SLC12A8: variants seen among roughly 807,000 people sequenced by gnomAD.
SLC12A8 encodes cation-chloride cotransporter 9.
A neutral mutation model predicts 75.6 loss-of-function variants in SLC12A8; 69 were observed. That is an observed-to-expected ratio of 0.91 (90% CI 0.75 to 1.11). The LOEUF (loss-of-function observed/expected upper bound fraction) is 1.11, where lower values mean the gene tolerates loss of function less well. Among genes scored for constraint, SLC12A8 ranks in the 50% most tolerant of loss-of-function variants. The pLI is 0.00. For synonymous variants in SLC12A8, 365 were observed against 372.8 expected (o/e 0.98, Z 0.24); for missense variants, 877 against 896.7 (o/e 0.98, Z 0.28).
At chr3:125,140,925 A>T (rs929431456) in intron 5 of SLC12A8, among the ~76,000 whole-genome samples, 1 of 152,018 alleles carries the variant, frequency 6.6e-6, no homozygotes, top group Admixed American at 6.6e-5. Context: ...ACCTCAGAAG[A>T]GTCTCTTTGC....
chr3:125,124,362 T>C (rs1355290887), intron 6 of SLC12A8, among the ~76,000 whole-genome samples: 1 of 152,156 alleles, frequency 6.6e-6, no homozygotes, highest in East Asian at 1.9e-4. Flanking sequence ...AGTTTCCCTC[T>C]GTCGCCCAAG....
At chr3:125,197,708 T>A (rs1342142270) in intron 2 of SLC12A8, among the ~76,000 whole-genome samples, 1 of 152,208 alleles carries the variant, frequency 6.6e-6, no homozygotes. Flanking sequence ...TTTATACTGA[T>A]GTGGCTCTGT....
intron 6 of SLC12A8, among the ~76,000 whole-genome samples, chr3:125,122,277 T>G (rs1015767457): frequency 2.0e-5 from 3 of 152,226 alleles, no homozygotes; most frequent in African/African-American, 7.2e-5. Flanking sequence ...CATTTTTATT[T>G]GACTGTTTAT....
At chr3:125,149,857 T>A (rs1450331049) in intron 5 of SLC12A8, among the ~76,000 whole-genome samples, 1 of 151,964 alleles carries the variant, frequency 6.6e-6, no homozygotes, top group Admixed American at 6.5e-5. Context: ...AGCAGGTGGA[T>A]TTTGGGGAAT....
intron 5 of SLC12A8, among the ~76,000 whole-genome samples, chr3:125,157,054 G>A (rs1342770300): frequency 6.6e-6 from 1 of 151,976 alleles, no homozygotes; most frequent in Admixed American, 6.6e-5. Flanking sequence ...TTCCATCTGG[G>A]ACTTCTGAAT....
chr3:125,130,078 G>T (rs928289778), intron 6 of SLC12A8, among the ~76,000 whole-genome samples: 4 of 152,324 alleles, frequency 2.6e-5, no homozygotes, highest in African/African-American at 9.6e-5. Flanking sequence ...CCCCTAAGAG[G>T]GGTGGGGCAG....
intron 10 of SLC12A8, among the ~76,000 whole-genome samples, chr3:125,101,043 A>G (rs1938862011): frequency 7.2e-6 from 1 of 139,618 alleles, no homozygotes; most frequent in South Asian, 2.4e-4. Context: ...AAAAAAAAAG[A>G]TGATTTAATT....
intron 5 of SLC12A8, among the ~76,000 whole-genome samples, chr3:125,158,705 G>T (rs1383520318): frequency 6.6e-6 from 1 of 152,102 alleles, no homozygotes; most frequent in African/African-American, 2.4e-5. Context: ...AGGGAGGAAG[G>T]CTCTTACAGT....
At chr3:125,104,908 T>C (rs1301837224) in intron 10 of SLC12A8, among the ~76,000 whole-genome samples, 1 of 152,136 alleles carries the variant, frequency 6.6e-6, no homozygotes, top group Non-Finnish European at 1.5e-5. Context: ...AACAATATAC[T>C]AAGTGATAAA....
rs145993761 is a variant in SLC12A8, at chr3:125,194,940, C to T, written c.52-4419G>A. 2.2e-3 allele frequency among the ~76,000 whole-genome samples: 329 copies of T among 152,378 alleles called. 1 individual carries two copies. Among genetic ancestry groups the T allele is most frequent in the African/African-American group, 7.3e-3 (304 of 41,584 alleles). On this transcript the variant is annotated intron_variant, in intron 2 of 13. Transcript: ENST00000469902. ...TCATTCCTTTCCCCTGCCTCTGAACCGGCCCCATGTGCTGGACCACAGGGG... is the reference window on the plus strand; with the variant it reads ...TCATTCCTTTCCCCTGCCTCTGAACTGGCCCCATGTGCTGGACCACAGGGG...
chr3:125,187,311 C>A lies in SLC12A8; in HGVS notation c.316G>T (p.Val106Phe). Residue 106 changes from valine to phenylalanine, a missense_variant, in exon 4 of 14, where the codon GTC (valine) becomes TTC (phenylalanine). By Grantham distance (50) the Val-to-Phe change is conservative. Transcript: ENST00000469902. Reference sequence around the variant, plus strand: ...AGGACCGAGGAGATCATGGAGTAGACGCCACCGCTGCCGATGCTGCTGCGC... The same window carrying A: ...AGGACCGAGGAGATCATGGAGTAGAAGCCACCGCTGCCGATGCTGCTGCGC... Reference protein sequence around the residue: ...GERSSIGSGGVYSMISSVLGG... With the variant: ...GERSSIGSGGFYSMISSVLGG... The A allele has an allele frequency of 1.9e-6, 3 of 1,614,196 alleles. No homozygotes were observed. The East Asian group carries it at 6.7e-5, about 36-fold the overall frequency.
intron 6 of SLC12A8, among the ~76,000 whole-genome samples, chr3:125,133,217 C>CT (rs1188740347): frequency 3.9e-5 from 6 of 152,050 alleles, no homozygotes; most frequent in African/African-American, 1.2e-4. Context: ...AAGTTATTGT[C>CT]TTTTTCATTT....
intron 8 of SLC12A8, among the ~76,000 whole-genome samples, chr3:125,112,355 A>G (rs1318198001): frequency 1.3e-5 from 2 of 152,172 alleles, no homozygotes; most frequent in Non-Finnish European, 2.9e-5. Flanking sequence ...ACTACAGGAA[A>G]TCAATGTCAT....
chr3:125,208,691 A>G (rs1935272313), intron 2 of SLC12A8, among the ~76,000 whole-genome samples: 1 of 149,500 alleles, frequency 6.7e-6, no homozygotes, highest in South Asian at 2.1e-4. Context: ...CCACCACACC[A>G]TTAACACTCA....
At chr3:125,128,177 A>ATTTTTTTT (rs776219498) in intron 6 of SLC12A8, among the ~76,000 whole-genome samples, 1 of 98,316 alleles carries the variant, frequency 1.0e-5, no homozygotes. Flanking sequence ...GCCTAAGCTT[A>ATTTTTTTT]TTTTTATTTT....
chr3:125,155,621 A>ATGCCGGGTGTG (rs578023995), intron 5 of SLC12A8, among the ~76,000 whole-genome samples: 1 of 120,710 alleles, frequency 8.3e-6, no homozygotes, highest in Non-Finnish European at 1.8e-5. Context: ...AATACAAAAA[A>ATGCCGGGTGTG]GTAGCTGTAG....
chr3:125,208,945 C>T (rs538498876), intron 2 of SLC12A8, among the ~76,000 whole-genome samples: 13 of 152,192 alleles, frequency 8.5e-5, no homozygotes, highest in African/African-American at 2.9e-4. Flanking sequence ...TTCTAATCAC[C>T]GTGACCAAGA....
chr3:125,088,505 G>A (rs1315011570), intron 12 of SLC12A8, 135 bp from the exon 13 acceptor site: 1 of 698,138 alleles, frequency 1.4e-6, no homozygotes, highest in Non-Finnish European at 2.5e-6. Flanking sequence ...TCCTTTTTCA[G>A]TCTAAACAAA....
At chr3:125,186,242 A>G (rs964544713) in intron 4 of SLC12A8, among the ~76,000 whole-genome samples, 6 of 152,224 alleles carry the variant, frequency 3.9e-5, no homozygotes, top group African/African-American at 1.2e-4. Context: ...CTATACTTAA[A>G]TAACTTTCTG....
Sources: gnomAD v4.1 joint callset for allele counts (sites outside exome capture counted in the v4.1 genomes callset) on GRCh38, gnomAD v4.1.1 for gene constraint, MANE v1.5 for transcripts, NCBI Gene and HGNC (gene_info 2026-07-23, HGNC 2026-07-21) for gene names.